DKK3: variants seen among roughly 807,000 people sequenced by gnomAD.
The protein encoded by DKK3 is dickkopf-related protein 3.
In DKK3, 22 loss-of-function variants were observed where a neutral mutation model predicts 33.2. The ratio of observed to expected loss-of-function variants is 0.66; its 90% CI spans 0.47 to 0.95. The LOEUF is 0.95. Among genes scored for constraint, DKK3 ranks in the 40% least tolerant of loss-of-function variants. The probability of loss-of-function intolerance (pLI) is 0.00; values close to 1 mark genes in which losing one functional copy is unlikely to be tolerated. For missense variants in DKK3, 398 were observed against 458.4 expected (o/e 0.87, Z 1.20); for synonymous variants, 194 against 188.8 (o/e 1.03, Z -0.23).
At chr11:11,991,916 C>A (rs1254748094) in intron 3 of DKK3, among the ~76,000 whole-genome samples, 1 of 152,164 alleles carries the variant, frequency 6.6e-6, no homozygotes, top group African/African-American at 2.4e-5. Flanking sequence ...TGCACCATGC[C>A]CCCACAATGC....
intron 3 of DKK3, among the ~76,000 whole-genome samples, chr11:11,994,278 C>T (rs72857697): frequency 0.075 from 11,305 of 151,702 alleles, 527 homozygotes; most frequent in Non-Finnish European, 0.1. Flanking sequence ...AACCTTGCCA[C>T]ACTAGATTCT....
intron 3 of DKK3, among the ~76,000 whole-genome samples, chr11:11,970,782 C>T (rs1342185199): frequency 6.6e-6 from 1 of 152,180 alleles, no homozygotes; most frequent in Admixed American, 6.5e-5. Flanking sequence ...GGGCCAGGGG[C>T]CAAGGAGCAG....
At chr11:11,988,119 T>A (rs1027867007) in intron 3 of DKK3, among the ~76,000 whole-genome samples, 1 of 152,200 alleles carries the variant, frequency 6.6e-6, no homozygotes, top group African/African-American at 2.4e-5. Flanking sequence ...TTGCAGCAGT[T>A]TGGATTCCAA....
chr11:12,007,957 A>G (rs1407296783), intron 1 of DKK3, among the ~76,000 whole-genome samples: 2 of 152,234 alleles, frequency 1.3e-5, no homozygotes, highest in Non-Finnish European at 2.9e-5. Context: ...ACAAGCTCAA[A>G]GCATAACGGA....
chr11:12,000,504 G>A (rs1460423500), intron 2 of DKK3, among the ~76,000 whole-genome samples: 2 of 149,268 alleles, frequency 1.3e-5, no homozygotes, highest in African/African-American at 5.0e-5. Flanking sequence ...ACCGTGCCTG[G>A]CCTTTTTTTT....
chr11:12,006,110 C>T, intron 1 of DKK3, among the ~76,000 whole-genome samples: 1 of 152,138 alleles, frequency 6.6e-6, no homozygotes, highest in East Asian at 1.9e-4. Context: ...TTACTTAACC[C>T]CATTTTAGGC....
At chr11:11,982,748 G>C (rs1397854978) in intron 3 of DKK3, among the ~76,000 whole-genome samples, 1 of 152,170 alleles carries the variant, frequency 6.6e-6, no homozygotes, top group African/African-American at 2.4e-5. Flanking sequence ...TGGTGAGCAG[G>C]GTCCATACAG....
intron 3 of DKK3, among the ~76,000 whole-genome samples, chr11:11,969,413 G>A (rs991701969): frequency 6.6e-6 from 1 of 152,178 alleles, no homozygotes; most frequent in Non-Finnish European, 1.5e-5. Context: ...CCTCCCAGCA[G>A]GAGGCAGGTA....
At chr11:12,005,991 T>A (rs1848528760) in intron 1 of DKK3, among the ~76,000 whole-genome samples, 1 of 152,236 alleles carries the variant, frequency 6.6e-6, no homozygotes, top group South Asian at 2.1e-4. Flanking sequence ...TTATCATTCA[T>A]ACTGCTACTA....
At chr11:11,968,719 C>G (rs904534652) in intron 3 of DKK3, 4 of 471,332 alleles carry the variant, frequency 8.5e-6, no homozygotes, top group African/African-American at 8.0e-5. Context: ...GATCCCACAC[C>G]AAATTCACAC....
intron 4 of DKK3, among the ~76,000 whole-genome samples, chr11:11,967,724 A>C (rs1847632559): frequency 6.6e-6 from 1 of 152,220 alleles, no homozygotes; most frequent in Non-Finnish European, 1.5e-5. Flanking sequence ...GACTATGAAA[A>C]GTCTGTGAGT....
intron 2 of DKK3, among the ~76,000 whole-genome samples, chr11:11,999,791 C>T (rs544024454): frequency 2.6e-4 from 39 of 152,344 alleles, no homozygotes; most frequent in African/African-American, 9.1e-4. Context: ...AATTTTCTCA[C>T]TTCTACATCA....
At chr11:11,978,336 G>A (rs73417323) in intron 3 of DKK3, among the ~76,000 whole-genome samples, 3,393 of 152,152 alleles carry the variant, frequency 0.022, 123 homozygotes, top group African/African-American at 0.078. Flanking sequence ...ACCCACTCAC[G>A]ACCCCAGATT....
chr11:12,005,587 T>C (rs1848521588), intron 1 of DKK3, among the ~76,000 whole-genome samples: 1 of 152,240 alleles, frequency 6.6e-6, no homozygotes, highest in African/African-American at 2.4e-5. Context: ...CTTCCAATAA[T>C]GACCGTACAA....
rs79705572 is a variant in DKK3 at position 11,983,973 on chromosome 11, A to G, written c.435+14723T>C. 4.7e-3 allele frequency among the ~76,000 whole-genome samples: 713 copies of G among 152,302 alleles called. 6 individuals carry two copies. Among genetic ancestry groups the G allele is most frequent in the African/African-American group, 0.016 (670 of 41,564 alleles). On this transcript the variant is annotated intron_variant, in intron 3 of 6. Transcript: ENST00000683431. The stretch of plus-strand genomic sequence containing the variant: ...ACCTCAAGGTTAAGTCTTATCTACA[A>G]TGGTGGGGATGTCACTCCAATGAAG...
In DKK3 at chr11:11,965,930, CCACGGGCAGGGGTGTGCACA is replaced by C. The variant is rs1323421372; in HGVS notation, c.689_708del (p.Val230GlyfsTer7). 11 of 1,613,648 alleles carry C rather than the reference CCACGGGCAGGGGTGTGCACA, an allele frequency of 6.8e-6. No homozygotes were observed. The highest frequency in any genetic ancestry group is 9.3e-6 in the Non-Finnish European group (11 of 1,180,004). On this transcript the variant is annotated frameshift_variant, in exon 6 of 7. Transcript: ENST00000683431. LOFTEE classifies it high-confidence loss of function. The stretch of plus-strand genomic sequence containing the variant: ...GCGGGGTCATGGCAAAGCTCGCCCT[CCACGGGCAGGGGTGTGCACA>C]CAGGGAACAGCAGGCCTGGAACCAG...
At chr11:11,994,700 C>T (rs1210699909) in intron 3 of DKK3, 1 of 152,182 alleles carries the variant, frequency 6.6e-6, no homozygotes, top group African/African-American at 2.4e-5. Flanking sequence ...GCACCCCACT[C>T]GAGAGTGTAT....
intron 6 of DKK3, among the ~76,000 whole-genome samples, chr11:11,965,535 C>G (rs1055315793): frequency 6.6e-6 from 1 of 152,160 alleles, no homozygotes; most frequent in African/African-American, 2.4e-5. Flanking sequence ...GCTTTTCTCC[C>G]TCCATGTCCT....
At position 12,008,054 on chromosome 11, in the gene DKK3, G is replaced by A. The variant is rs1564928834; in HGVS notation, c.213+316C>T. Reference sequence around the variant, plus strand: ...AATACCAGGGGCCCTGCAAACCTCTGCTGACAATAGGGAAGGCCAACGGCA... The same window carrying A: ...AATACCAGGGGCCCTGCAAACCTCTACTGACAATAGGGAAGGCCAACGGCA... On this transcript the variant is annotated intron_variant, in intron 1 of 6. Transcript: ENST00000683431. This position sits in a 1 kb window ranked among gnomAD's most constrained non-coding sequence, Gnocchi z 4.6. 6.6e-6 allele frequency among the ~76,000 whole-genome samples: 1 copy of A among 152,158 alleles called. No individual in the cohort carries two copies. Among genetic ancestry groups the A allele is most frequent in the Non-Finnish European group, 1.5e-5 (1 of 68,034 alleles).
Sources: allele counts gnomAD v4.1 joint callset (sites outside exome capture counted in the v4.1 genomes callset), GRCh38; gene constraint gnomAD v4.1.1; non-coding constraint Gnocchi (gnomAD v3.1); transcripts MANE v1.5; gene names NCBI Gene and HGNC (gene_info 2026-07-23, HGNC 2026-07-21).